The following MRTFA variants were observed in gnomAD, a reference collection of about 807,000 sequenced individuals.
The protein encoded by MRTFA is myocardin-related transcription factor A.
MRTFA carries 20 observed loss-of-function variants against 83.5 expected under a neutral mutation model. That is an observed-to-expected ratio of 0.24 (90% confidence interval 0.17 to 0.35). The LOEUF is 0.35. Ranked by LOEUF, MRTFA falls within the 10% of genes least tolerant of loss-of-function variation. The probability of loss-of-function intolerance (pLI) is 1.00; values close to 1 mark genes in which losing one functional copy is unlikely to be tolerated. For missense variants in MRTFA, 1,200 were observed against 1,224.7 expected (o/e 0.98, Z 0.30); for synonymous variants, 659 against 541.2 (o/e 1.22, Z -3.02).
intron 4 of MRTFA, among the ~76,000 whole-genome samples, chr22:40,449,259 T>A (rs1368210142): frequency 2.2e-5 from 3 of 135,964 alleles, no homozygotes; most frequent in Non-Finnish European, 4.6e-5. Flanking sequence ...AGAACGAGAC[T>A]CGGTCTCCAA....
At chr22:40,566,564 C>A (rs890699024) in intron 2 of MRTFA, among the ~76,000 whole-genome samples, 3 of 152,026 alleles carry the variant, frequency 2.0e-5, no homozygotes, top group African/African-American at 7.2e-5. Context: ...GGCATGGTGG[C>A]TCATGCCTGT....
chr22:40,516,886 T>C (rs1024000251), intron 3 of MRTFA, among the ~76,000 whole-genome samples: 25 of 152,200 alleles, frequency 1.6e-4, no homozygotes, highest in Non-Finnish European at 2.8e-4. Flanking sequence ...GCCATTCCTA[T>C]GCAGAAAGAA....
At chr22:40,539,725 A>C (rs2055256082) in intron 3 of MRTFA, among the ~76,000 whole-genome samples, 1 of 151,468 alleles carries the variant, frequency 6.6e-6, no homozygotes, top group Non-Finnish European at 1.5e-5. Context: ...GATGGTCTCG[A>C]TCTCTTGACC....
intron 7 of MRTFA, among the ~76,000 whole-genome samples, chr22:40,427,200 A>G (rs914951260): frequency 6.6e-6 from 1 of 152,196 alleles, no homozygotes; most frequent in Non-Finnish European, 1.5e-5. Context: ...ACACTGGCCT[A>G]TAACTAGGGG....
At chr22:40,470,932 G>A (rs1479415725) in intron 3 of MRTFA, among the ~76,000 whole-genome samples, 1 of 151,984 alleles carries the variant, frequency 6.6e-6, no homozygotes, top group African/African-American at 2.4e-5. Flanking sequence ...CTAGGTGAAA[G>A]AGCGAGATTC....
chr22:40,411,859 T>C lies in MRTFA; in HGVS notation c.2627A>G (p.Lys876Arg). Residue 876 changes from lysine (K) to arginine (R), a missense_variant, in exon 15 of 15, where the codon AAG (lysine) becomes AGG (arginine). By Grantham distance (26) the Lys-to-Arg change is conservative (BLOSUM62 2). Transcript: ENST00000355630. ...CCCACAGACTGTCTTCGGGGATGGC[T>C]TCTCCTTCCCTGGCAGGGATGGCGG... 2.7e-6 allele frequency: 4 copies of C among 1,490,510 alleles called. No homozygotes were observed. Among genetic ancestry groups the C allele is most frequent in the South Asian group, 2.8e-5 (2 of 70,346 alleles). 92.3% of individuals were successfully genotyped at this position (1,490,510 alleles called of 1,614,324 possible). A position where few individuals can be genotyped will look rare whatever the true frequency, so the allele number is the denominator to read the frequency against.
intron 3 of MRTFA, among the ~76,000 whole-genome samples, chr22:40,521,364 A>G (rs1162450768): frequency 6.6e-6 from 1 of 152,214 alleles, no homozygotes; most frequent in Non-Finnish European, 1.5e-5. Flanking sequence ...ATCATACAAT[A>G]GGTAACATTT....
chr22:40,492,159 TAAA>T (rs2054282399), intron 3 of MRTFA, among the ~76,000 whole-genome samples: 1 of 152,114 alleles, frequency 6.6e-6, no homozygotes, highest in African/African-American at 2.4e-5. Context: ...AATGCTGCAA[TAAA>T]CCACTCTTCC....
intron 3 of MRTFA, among the ~76,000 whole-genome samples, chr22:40,483,686 A>T (rs1235951545): frequency 2.1e-5 from 3 of 139,860 alleles, no homozygotes; most frequent in African/African-American, 2.6e-5. Flanking sequence ...CTGTCTCAAT[A>T]AAAAAAAAAA....
chr22:40,468,064 G>C (rs2053837901), intron 3 of MRTFA, among the ~76,000 whole-genome samples: 1 of 152,128 alleles, frequency 6.6e-6, no homozygotes, highest in Non-Finnish European at 1.5e-5. Flanking sequence ...CTCAAACAAA[G>C]GCATCAATTG....
At chr22:40,550,760 A>G (rs1217725006) in intron 3 of MRTFA, among the ~76,000 whole-genome samples, 1 of 152,190 alleles carries the variant, frequency 6.6e-6, no homozygotes, top group Non-Finnish European at 1.5e-5. Flanking sequence ...AGTTTCCTCC[A>G]GGGGTAATGA....
At chr22:40,422,540 G>A (rs978462497) in intron 9 of MRTFA, among the ~76,000 whole-genome samples, 1 of 152,252 alleles carries the variant, frequency 6.6e-6, no homozygotes, top group Non-Finnish European at 1.5e-5. Flanking sequence ...GAAAGCAGGG[G>A]TAGGCTGGGA....
chr22:40,564,688 C>T (rs5995875), intron 2 of MRTFA, among the ~76,000 whole-genome samples: 15,358 of 151,856 alleles, frequency 0.1, 931 homozygotes, highest in East Asian at 0.25. Flanking sequence ...AGCCTTGCAC[C>T]GTCGCCCAGG....
At chr22:40,612,647 A>G (rs74888790) in intron 1 of MRTFA, among the ~76,000 whole-genome samples, 4 of 151,424 alleles carry the variant, frequency 2.6e-5, no homozygotes, top group African/African-American at 4.9e-5. Flanking sequence ...CTCAATCAAG[A>G]AAAAAAAACA....
chr22:40,487,038 T>A (rs1383139794), intron 3 of MRTFA, among the ~76,000 whole-genome samples: 1 of 152,142 alleles, frequency 6.6e-6, no homozygotes, highest in Non-Finnish European at 1.5e-5. Context: ...CACAAGAGAC[T>A]AACAAAAGAG....
At chr22:40,590,438 G>A (rs1448696509) in intron 2 of MRTFA, among the ~76,000 whole-genome samples, 2 of 152,048 alleles carry the variant, frequency 1.3e-5, no homozygotes, top group African/African-American at 4.8e-5. Flanking sequence ...GGAGGTCGAG[G>A]TGGGTGGGTC....
Position 40,420,950 on chromosome 22 carries a change from C to A in MRTFA, c.1078G>T (p.Ala360Ser), listed in dbSNP as rs757570875. 2.5e-6 allele frequency: 4 copies of A among 1,613,930 alleles called. No homozygotes were observed. In the South Asian group the frequency reaches 3.3e-5, roughly 13 times the overall value. The change falls in exon 10 of 15, where the codon GCC becomes TCC. Residue 360 changes from alanine (A) to serine (S), a missense_variant. Transcript: ENST00000355630. ...AGCTGCTGCTGCTGCAGGATCTTGG[C>A]GTAGGATGAGTCCATGGGGGGTGCC... is the stretch of plus-strand genomic sequence containing the variant.
intron 3 of MRTFA, among the ~76,000 whole-genome samples, chr22:40,501,545 CG>C (rs1405395591): frequency 4.5e-3 from 1 of 224 alleles, no homozygotes; most frequent in African/African-American, 0.033. Context: ...GCTGGCCGGG[CG>C]GGGGGCTGAC....
chr22:40,606,222 T>C (rs1332193582), intron 1 of MRTFA, among the ~76,000 whole-genome samples: 3 of 152,070 alleles, frequency 2.0e-5, no homozygotes, highest in African/African-American at 7.2e-5. Context: ...AAATTTCTAG[T>C]AGTGTTTGTA....
Sources: allele counts gnomAD v4.1 joint callset (sites outside exome capture counted in the v4.1 genomes callset), GRCh38; gene constraint gnomAD v4.1.1; transcripts MANE v1.5; gene names NCBI Gene and HGNC (gene_info 2026-07-23, HGNC 2026-07-21).